PRIM2: variants seen among roughly 807,000 people sequenced by gnomAD.
PRIM2 encodes the protein DNA primase large subunit.
Under a neutral mutation model 67.3 loss-of-function variants are expected in PRIM2, and 39 were observed. That is an observed-to-expected ratio of 0.58 (90% CI 0.45 to 0.76). PRIM2 has a LOEUF of 0.76. Among genes scored for constraint, PRIM2 ranks in the 30% least tolerant of loss-of-function variants. The pLI is 0.00. For missense variants in PRIM2, 398 were observed against 598.7 expected (o/e 0.66, Z 3.50); for synonymous variants, 143 against 198.7 (o/e 0.72, Z 2.36).
chr6:57,297,134 G>C, the PRIM2 span, among the ~76,000 whole-genome samples: 1 of 152,100 alleles, frequency 6.6e-6, no homozygotes, highest in African/African-American at 2.4e-5. Context: ...TTCACAAATA[G>C]AGAAGAAGTG....
chr6:57,605,073 T>G (rs1349285825), intron 11 of PRIM2, among the ~76,000 whole-genome samples: 40 of 152,358 alleles, frequency 2.6e-4, no homozygotes, highest in African/African-American at 9.4e-4. Flanking sequence ...TGAATCACTT[T>G]TATTGATTTG....
intron 5 of PRIM2, among the ~76,000 whole-genome samples, chr6:57,338,633 G>A (rs144445651): frequency 0.41 from 60,290 of 147,944 alleles, 13,066 homozygotes; most frequent in South Asian, 0.55. Flanking sequence ...ATGCAGAAAA[G>A]GCCTTTGACA....
rs573146864 is a variant in PRIM2 at position 57,408,080 on chromosome 6, T to C, written c.693+25912T>C. ...TGTGGGAAGCAGGCACAAATATTCC[T>C]TTTTTTTCCCCACTTTGGATACGTG... On this transcript the variant is annotated intron_variant, in intron 7 of 13. Transcript: ENST00000615550. Among the ~76,000 whole-genome samples the C allele has an allele frequency of 1.2e-4, 18 of 152,184 alleles. No individual in the cohort carries two copies. The East Asian group carries it at 2.4e-3, about 20-fold the overall frequency.
rs567112336 is a variant in PRIM2 at position 57,418,107 on chromosome 6, A to C, written c.693+35939A>C. Among the ~76,000 whole-genome samples the C allele has an allele frequency of 7.2e-5, 11 of 152,312 alleles. 1 individual carries two copies. In the East Asian group the frequency reaches 2.1e-3, roughly 29 times the overall value. On this transcript the variant is annotated intron_variant, in intron 7 of 13. Coordinates refer to ENST00000615550, the MANE Select transcript of PRIM2 (RefSeq NM_000947.5). Reference sequence around the variant, plus strand: ...AAATAAATGCTTTAAAAAATGCCTCAACAAACAAGGGAGAATAGGAGGTAC... The same window carrying C: ...AAATAAATGCTTTAAAAAATGCCTCCACAAACAAGGGAGAATAGGAGGTAC...
At chr6:57,417,581 A>G (rs1581885961) in intron 7 of PRIM2, among the ~76,000 whole-genome samples, 2 of 152,184 alleles carry the variant, frequency 1.3e-5, no homozygotes, top group Non-Finnish European at 2.9e-5. Context: ...CTGGTTGGGG[A>G]AATAGCCACA....
At chr6:57,450,587 A>C (rs1210051134) in intron 7 of PRIM2, among the ~76,000 whole-genome samples, 3 of 152,358 alleles carry the variant, frequency 2.0e-5, no homozygotes, top group Middle Eastern at 3.4e-3. Context: ...TCATATGGCT[A>C]ATTTAACGTG....
intron 5 of PRIM2, 168 bp downstream of exon 5, chr6:57,326,213 C>A: frequency 1.7e-6 from 1 of 579,198 alleles, no homozygotes; most frequent in Non-Finnish European, 2.6e-6. Flanking sequence ...TTCTCTATGA[C>A]TAGAAGAAAA....
At chr6:57,438,447 G>A (rs572376939) in intron 7 of PRIM2, among the ~76,000 whole-genome samples, 2 of 152,230 alleles carry the variant, frequency 1.3e-5, no homozygotes, top group East Asian at 3.9e-4. Flanking sequence ...AAGAGCTGAT[G>A]GCTTCTGAAA....
chr6:57,596,874 A>G (rs1373624940), intron 10 of PRIM2, among the ~76,000 whole-genome samples: 3 of 152,224 alleles, frequency 2.0e-5, no homozygotes, highest in Non-Finnish European at 4.4e-5. Context: ...AAGAAAAGCT[A>G]TCCAGAAGAA....
At chr6:57,439,986 T>G in intron 7 of PRIM2, among the ~76,000 whole-genome samples, 1 of 152,034 alleles carries the variant, frequency 6.6e-6, no homozygotes, top group Non-Finnish European at 1.5e-5. Context: ...TGCATATAAA[T>G]AAATATTTGT....
At chr6:57,488,404 G>C (rs1434114728) in intron 7 of PRIM2, among the ~76,000 whole-genome samples, 1 of 152,218 alleles carries the variant, frequency 6.6e-6, no homozygotes, top group Non-Finnish European at 1.5e-5. Context: ...TCCAGGAGCA[G>C]TGTTCTTGGG....
chr6:57,272,145 A>T, the PRIM2 span, among the ~76,000 whole-genome samples: 9 of 152,232 alleles, frequency 5.9e-5, no homozygotes, highest in South Asian at 4.1e-4. Context: ...CTATTAGGTC[A>T]GCTTGGTGCA....
At chr6:57,531,718 A>G (rs1324205146) in intron 8 of PRIM2, among the ~76,000 whole-genome samples, 3 of 152,208 alleles carry the variant, frequency 2.0e-5, no homozygotes, top group Admixed American at 6.5e-5. Context: ...TTGAGTTCCC[A>G]CTGCACTGCT....
rs1261348539 is a variant in PRIM2 at position 57,513,722 on chromosome 6, A to T, written c.761+6268A>T. ...CAGCCTGTCTCTACTAAAAATACAA[A>T]AATTAGCCCACTGTGGTGGCGCGCA... On this transcript the variant is annotated intron_variant, in intron 8 of 13. Coordinates refer to ENST00000615550, the MANE Select transcript of PRIM2 (RefSeq NM_000947.5). Among the ~76,000 whole-genome samples the T allele has an allele frequency of 1.3e-3, 192 of 152,226 alleles. 5 individuals are homozygous for T. The East Asian group carries it at 0.016, about 13-fold the overall frequency.
the PRIM2 span, among the ~76,000 whole-genome samples, chr6:57,263,637 G>A: frequency 6.6e-6 from 1 of 152,188 alleles, no homozygotes; most frequent in Admixed American, 6.5e-5. Context: ...GATCCTGAGA[G>A]TTGGGATTTC....
upstream of PRIM2, among the ~76,000 whole-genome samples, chr6:57,311,336 C>A (rs1767385257): frequency 6.9e-6 from 1 of 144,950 alleles, no homozygotes; most frequent in African/African-American, 2.6e-5. Context: ...GGCAGAGGCG[C>A]TCCTCACTTC....
intron 7 of PRIM2, among the ~76,000 whole-genome samples, chr6:57,433,317 C>T (rs1771894668): frequency 2.6e-5 from 4 of 151,904 alleles, no homozygotes. Context: ...TATACATGTG[C>T]CATGCTGGTG....
At chr6:57,519,013 A>G (rs1158102407) in intron 8 of PRIM2, among the ~76,000 whole-genome samples, 3 of 152,200 alleles carry the variant, frequency 2.0e-5, no homozygotes, top group African/African-American at 7.2e-5. Flanking sequence ...TCCGGGGGAG[A>G]CATCACATGT....
the PRIM2 span, among the ~76,000 whole-genome samples, chr6:57,279,133 T>A: frequency 6.6e-6 from 1 of 152,108 alleles, no homozygotes; most frequent in East Asian, 1.9e-4. Context: ...ACCCAATTCA[T>A]TGAGGGAGTA....
Sources: gnomAD v4.1 joint callset for allele counts (sites outside exome capture counted in the v4.1 genomes callset) on GRCh38, gnomAD v4.1.1 for gene constraint, MANE v1.5 for transcripts, NCBI Gene and HGNC (gene_info 2026-07-23, HGNC 2026-07-21) for gene names.